STON2: variants seen among roughly 807,000 people sequenced by gnomAD.
STON2 encodes the protein stonin-2.
In STON2, 29 loss-of-function variants were observed where a neutral mutation model predicts 65.7. The observed-to-expected ratio is 0.44, with a 90% CI of 0.33 to 0.60. The LOEUF (loss-of-function observed/expected upper bound fraction) is 0.60. STON2 is among the 20% of genes least tolerant of loss of function. The pLI, the probability that STON2 is intolerant of heterozygous loss-of-function variation, is 0.03. For missense variants in STON2, 1,054 were observed against 1,118.1 expected, an observed-to-expected ratio of 0.94 and a Z score of 0.82; for synonymous variants, 404 against 414.2, an observed-to-expected ratio of 0.98 and a Z score of 0.30.
intron 4 of STON2, among the ~76,000 whole-genome samples, chr14:81,353,602 A>G (rs1487648617): frequency 6.6e-6 from 1 of 152,232 alleles, no homozygotes; most frequent in Non-Finnish European, 1.5e-5. Context: ...AAGTCGGCAC[A>G]GGCCCAACAG....
At chr14:81,409,064 T>A (rs565510287) in intron 2 of STON2, among the ~76,000 whole-genome samples, 1 of 152,226 alleles carries the variant, frequency 6.6e-6, no homozygotes, top group African/African-American at 2.4e-5. Context: ...TAGAGCCATA[T>A]ATAAATTAGA....
Position 81,267,319 on chromosome 14 carries a change from G to C in STON2, c.*1095C>G. The C allele has an allele frequency of 1.0e-6, 1 of 985,390 alleles. No homozygotes were observed. The highest frequency in any genetic ancestry group is 4.7e-5 in the South Asian group (1 of 21,284). The allele number at this position is 985,390 out of a possible 1,614,324, so 61.0% of individuals were successfully genotyped here. A position where few individuals can be genotyped will look rare whatever the true frequency, so the allele number is the denominator to read the frequency against. ...GGCTTTTCCACGTCTCTACCCTAGAGATGCCTTTTCAATCCAATCCAATAC... is the reference window on the plus strand; with the variant it reads ...GGCTTTTCCACGTCTCTACCCTAGACATGCCTTTTCAATCCAATCCAATAC... On this transcript the variant is annotated 3_prime_UTR_variant, in exon 8 of 8. Coordinates refer to ENST00000614646, the MANE Select transcript of STON2 (RefSeq NM_001394390.1).
At chr14:81,356,219 C>T (rs7159429) in intron 4 of STON2, among the ~76,000 whole-genome samples, 1 of 152,016 alleles carries the variant, frequency 6.6e-6, no homozygotes, top group African/African-American at 2.4e-5. Flanking sequence ...TAGCATGAAG[C>T]GTTGTTGAAT....
chr14:81,277,878 A>G lies in STON2; in HGVS notation c.1604T>C (p.Ile535Thr), dbSNP rs750070482. The stretch of plus-strand genomic sequence containing the variant: ...CCGGGGTTCTGAAATCTCATGACAG[A>G]TCTCCAGCTTGAACTCACGGAATGG... ...EKPFREFKLEICHEISEPRLQ... is the reference protein window; with the variant it reads ...EKPFREFKLETCHEISEPRLQ... Residue 535 changes from isoleucine (I) to threonine (T), a missense_variant, in exon 6 of 8, where the codon ATC (isoleucine) becomes ACC (threonine). Ile to Thr is a moderately conservative substitution (Grantham distance 89). Coordinates refer to ENST00000614646, the MANE Select transcript of STON2 (RefSeq NM_001394390.1). 13 of 1,614,146 alleles carry G rather than the reference A, an allele frequency of 8.1e-6. No homozygotes were observed. The highest frequency in any genetic ancestry group is 1.7e-5 in the Admixed American group (1 of 60,020).
intron 4 of STON2, among the ~76,000 whole-genome samples, chr14:81,369,440 A>G (rs1196905488): frequency 2.6e-5 from 4 of 152,220 alleles, no homozygotes; most frequent in Admixed American, 2.0e-4. Flanking sequence ...AAAGTAGATT[A>G]GGCAATGAAA....
chr14:81,408,059 C>T (rs1595454072), intron 2 of STON2, among the ~76,000 whole-genome samples: 1 of 98,008 alleles, frequency 1.0e-5, no homozygotes, highest in African/African-American at 5.9e-5. Context: ...CTTCTCTTCC[C>T]TTTCCTCTTC....
chr14:81,385,622 C>CCAAGGTAGAA (rs1899763164), intron 3 of STON2, among the ~76,000 whole-genome samples: 1 of 152,168 alleles, frequency 6.6e-6, no homozygotes, highest in Non-Finnish European at 1.5e-5. Context: ...AGGGCGCCAT[C>CCAAGGTAGAA]CTTCAAGTTC....
At chr14:81,432,043 G>C (rs1180723067) in intron 1 of STON2, among the ~76,000 whole-genome samples, 4 of 152,094 alleles carry the variant, frequency 2.6e-5, no homozygotes. Flanking sequence ...ATTCTAATCT[G>C]GTAGCCAGCA....
At chr14:81,358,881 A>C (rs1235358677) in intron 4 of STON2, among the ~76,000 whole-genome samples, 1 of 152,214 alleles carries the variant, frequency 6.6e-6, no homozygotes, top group Non-Finnish European at 1.5e-5. Context: ...GAAGCACCTA[A>C]ATACATAAAA....
intron 4 of STON2, among the ~76,000 whole-genome samples, chr14:81,369,320 T>TA (rs141413805): frequency 0.013 from 1,941 of 152,238 alleles, 50 homozygotes; most frequent in African/African-American, 0.044. Context: ...AAGGAGATGT[T>TA]AAAAATAATT....
chr14:81,307,371 G>C (rs955262844), intron 5 of STON2, among the ~76,000 whole-genome samples: 3 of 152,140 alleles, frequency 2.0e-5, no homozygotes, highest in African/African-American at 7.2e-5. Flanking sequence ...TTTCAAAACA[G>C]TCAAAACTCA....
At chr14:81,431,775 CT>C (rs1167177987) in intron 1 of STON2, among the ~76,000 whole-genome samples, 3 of 146,170 alleles carry the variant, frequency 2.1e-5, no homozygotes, top group Non-Finnish European at 4.5e-5. Context: ...GAAACTCTGT[CT>C]CAAAAAAAAA....
chr14:81,400,957 G>A (rs1204780436), upstream of STON2, among the ~76,000 whole-genome samples: 2 of 152,154 alleles, frequency 1.3e-5, no homozygotes, highest in Admixed American at 6.6e-5. Flanking sequence ...CCTCTGTAAC[G>A]ATGACAATGA....
chr14:81,357,532 C>T (rs1340621269), intron 4 of STON2, among the ~76,000 whole-genome samples: 3 of 151,118 alleles, frequency 2.0e-5, no homozygotes, highest in Admixed American at 1.3e-4. Flanking sequence ...CCATTTGACC[C>T]AGCCATCCCA....
chr14:81,306,220 C>CTATTTTT (rs1555397665), intron 5 of STON2, among the ~76,000 whole-genome samples: 4 of 69,490 alleles, frequency 5.8e-5, no homozygotes, highest in Non-Finnish European at 1.0e-4. Flanking sequence ...CATACATACT[C>CTATTTTT]TTTTTTTTTT....
chr14:81,429,528 A>G (rs1042671022), intron 1 of STON2, among the ~76,000 whole-genome samples: 6 of 152,216 alleles, frequency 3.9e-5, no homozygotes, highest in Non-Finnish European at 8.8e-5. Flanking sequence ...CTAATAAATC[A>G]CTGAATGGCT....
chr14:81,261,799 T>G lies in STON2; in HGVS notation c.*6615A>C. The stretch of plus-strand genomic sequence containing the variant: ...CTTCATGCTCACACCATTGTTCTGA[T>G]AGATGATGCCAGTGGAACTTCCAAA... On this transcript the variant is annotated 3_prime_UTR_variant, in exon 8 of 8. Coordinates refer to ENST00000614646, the MANE Select transcript of STON2 (RefSeq NM_001394390.1). 1.3e-6 allele frequency: 2 copies of G among 1,527,578 alleles called. No individual in the cohort carries two copies. Among genetic ancestry groups the G allele is most frequent in the South Asian group, 1.2e-5 (1 of 82,376 alleles). The allele number at this position is 1,527,578 out of a possible 1,614,324, so 94.6% of individuals were successfully genotyped here. A position where few individuals can be genotyped will look rare whatever the true frequency, so the allele number is the denominator to read the frequency against.
At chr14:81,433,739 G>A (rs1237636381) in intron 1 of STON2, among the ~76,000 whole-genome samples, 1 of 152,204 alleles carries the variant, frequency 6.6e-6, no homozygotes, top group Non-Finnish European at 1.5e-5. Context: ...GAGAGAAGCT[G>A]TTTCTTAAGC....
chr14:81,262,949 T>C lies in STON2; in HGVS notation c.*5465A>G, dbSNP rs768521633. On this transcript the variant is annotated 3_prime_UTR_variant, in exon 8 of 8. Coordinates refer to ENST00000614646, the MANE Select transcript of STON2 (RefSeq NM_001394390.1). ...TTTAAACAAGATAAGAAATGGTTTG[T>C]GGGGAATTAGCACTTAGACCTTGGT... is the stretch of plus-strand genomic sequence containing the variant. 1.0e-6 allele frequency: 1 copy of C among 985,412 alleles called. No individual in the cohort carries two copies. The highest frequency in any genetic ancestry group is 1.2e-6 in the Non-Finnish European group (1 of 829,912). 61.0% of individuals were successfully genotyped at this position (985,412 alleles called of 1,614,324 possible).
Sources: gnomAD v4.1 joint callset for allele counts (sites outside exome capture counted in the v4.1 genomes callset) on GRCh38, gnomAD v4.1.1 for gene constraint, MANE v1.5 for transcripts, NCBI Gene and HGNC (gene_info 2026-07-23, HGNC 2026-07-21) for gene names.